TPRG1: variants seen among roughly 807,000 people sequenced by gnomAD.
TPRG1 encodes tumor protein p63 regulated 1.
A neutral mutation model predicts 29.3 loss-of-function variants in TPRG1; 29 were observed. The observed-to-expected ratio is 0.99, with a 90% CI of 0.74 to 1.35. TPRG1 has a LOEUF of 1.35. Ranked by LOEUF, TPRG1 falls within the 40% of genes most tolerant of loss-of-function variation. TPRG1 has a pLI of 0.00. For synonymous variants in TPRG1, 130 were observed against 116.8 expected, an observed-to-expected ratio of 1.11 and a Z score of -0.73; for missense variants, 327 against 335.0, an observed-to-expected ratio of 0.98 and a Z score of 0.19.
At chr3:189,259,389 C>T (rs1055205689) in intron 4 of TPRG1, among the ~76,000 whole-genome samples, 7 of 151,604 alleles carry the variant, frequency 4.6e-5, no homozygotes, top group South Asian at 4.2e-4. Flanking sequence ...GCAGAAATCA[C>T]CCCTTCTGTG....
At chr3:189,027,943 C>G (rs1025048243) in intron 4 of TPRG1, among the ~76,000 whole-genome samples, 3 of 151,812 alleles carry the variant, frequency 2.0e-5, no homozygotes, top group African/African-American at 7.3e-5. Context: ...TTTTTTCGTT[C>G]CCTCATTATT....
intron 4 of TPRG1, among the ~76,000 whole-genome samples, chr3:189,041,320 T>C (rs997710427): frequency 6.6e-6 from 1 of 152,216 alleles, no homozygotes; most frequent in Non-Finnish European, 1.5e-5. Context: ...TAAAAGCTGC[T>C]TGAGTTATTC....
intron 1 of TPRG1, among the ~76,000 whole-genome samples, chr3:189,180,831 G>GT (rs1390450900): frequency 6.6e-6 from 1 of 152,170 alleles, no homozygotes; most frequent in Admixed American, 6.5e-5. Flanking sequence ...TGGGGACTCT[G>GT]GCCCCACATT....
rs536573900 is a variant in TPRG1 at position 189,316,663 on chromosome 3, T to C, written c.634-3963T>C. ...CAAGAATAATACGATGTCCCCCCTGTCCCCACCACGCACACTGCTGCTATA... is the reference window on the plus strand; with the variant it reads ...CAAGAATAATACGATGTCCCCCCTGCCCCCACCACGCACACTGCTGCTATA... On this transcript the variant is annotated intron_variant, in intron 5 of 5. Coordinates refer to ENST00000345063, the MANE Select transcript of TPRG1 (RefSeq NM_198485.4). Among the ~76,000 whole-genome samples, 4 of 152,210 alleles carry C rather than the reference T, an allele frequency of 2.6e-5. No homozygotes were observed. In the East Asian group the frequency reaches 7.7e-4, roughly 29 times the overall value.
chr3:189,285,660 C>T (rs938781279), intron 4 of TPRG1, among the ~76,000 whole-genome samples: 4 of 152,150 alleles, frequency 2.6e-5, no homozygotes, highest in African/African-American at 7.2e-5. Context: ...AGACATTGTA[C>T]ATAATTTCTT....
chr3:189,243,081 T>C (rs1366710099), intron 4 of TPRG1, among the ~76,000 whole-genome samples: 1 of 152,172 alleles, frequency 6.6e-6, no homozygotes, highest in East Asian at 1.9e-4. Context: ...TAAGACCAGG[T>C]GATTTATAAA....
chr3:189,258,213 T>C (rs1301975292), intron 4 of TPRG1, among the ~76,000 whole-genome samples: 1 of 152,016 alleles, frequency 6.6e-6, no homozygotes, highest in African/African-American at 2.4e-5. Context: ...TTTTTTATAT[T>C]GATGTTACTC....
chr3:189,084,315 A>G (rs1235547674), intron 4 of TPRG1, among the ~76,000 whole-genome samples: 7 of 152,298 alleles, frequency 4.6e-5, no homozygotes, highest in Admixed American at 4.6e-4. Context: ...AGAAATACCA[A>G]TACGTATGAG....
chr3:189,262,592 T>C (rs561220579), intron 4 of TPRG1, among the ~76,000 whole-genome samples: 2 of 152,302 alleles, frequency 1.3e-5, no homozygotes, highest in South Asian at 2.1e-4. Context: ...GTCTGATAAG[T>C]GTAAAATTAC....
rs377477540 is a variant in TPRG1, at chr3:189,043,607, A to G, written c.-463+19661A>G. Among the ~76,000 whole-genome samples the G allele has an allele frequency of 2.0e-5, 3 of 152,296 alleles. No homozygotes were observed. In the East Asian group the frequency reaches 5.8e-4, roughly 29 times the overall value. The stretch of plus-strand genomic sequence containing the variant: ...AGCCAATCGTCTGCTTAACTCCATT[A>G]CAATTTTTTGGGCGACAACTCCCTT... On this transcript the variant is annotated intron_variant, in intron 4 of 10. Coordinates refer to the TPRG1 transcript ENST00000433971.
At chr3:189,008,498 T>C (rs1173036497) in intron 3 of TPRG1, among the ~76,000 whole-genome samples, 1 of 152,210 alleles carries the variant, frequency 6.6e-6, no homozygotes. Flanking sequence ...AACCTTGGCC[T>C]GGGTTTCTAA....
At chr3:189,057,779 T>C (rs900859359) in intron 4 of TPRG1, among the ~76,000 whole-genome samples, 4 of 146,554 alleles carry the variant, frequency 2.7e-5, no homozygotes, top group Non-Finnish European at 4.5e-5. Flanking sequence ...CACATATACA[T>C]ATATGTATAT....
chr3:189,287,633 G>A (rs1377882909), intron 4 of TPRG1, among the ~76,000 whole-genome samples: 1 of 152,070 alleles, frequency 6.6e-6, no homozygotes. Flanking sequence ...TCCTGACCTC[G>A]TGATCTGCCC....
At chr3:189,185,116 T>A (rs1344399201) in intron 1 of TPRG1, among the ~76,000 whole-genome samples, 1 of 152,234 alleles carries the variant, frequency 6.6e-6, no homozygotes, top group Non-Finnish European at 1.5e-5. Context: ...ATCTCTGACC[T>A]GGATGTAGTC....
intron 3 of TPRG1, among the ~76,000 whole-genome samples, chr3:189,216,683 T>C (rs1736119312): frequency 6.6e-6 from 1 of 152,214 alleles, no homozygotes; most frequent in African/African-American, 2.4e-5. Flanking sequence ...GGCTCTTTCT[T>C]TGTAGCATCT....
intron 4 of TPRG1, among the ~76,000 whole-genome samples, chr3:189,284,957 A>G (rs1311942637): frequency 6.6e-6 from 1 of 152,212 alleles, no homozygotes; most frequent in Non-Finnish European, 1.5e-5. Context: ...ATTAAACTAA[A>G]GAGCTTCTGC....
At chr3:189,157,855 C>A (rs150861120) in intron 5 of TPRG1, among the ~76,000 whole-genome samples, 2 of 152,280 alleles carry the variant, frequency 1.3e-5, no homozygotes, top group Non-Finnish European at 2.9e-5. Flanking sequence ...CTTCTCCTTC[C>A]GGCTGTAGCA....
chr3:189,300,340 G>T (rs909102556), intron 4 of TPRG1, among the ~76,000 whole-genome samples: 1 of 152,178 alleles, frequency 6.6e-6, no homozygotes, highest in Non-Finnish European at 1.5e-5. Context: ...ATGTCTTAGC[G>T]CATTGCCTGG....
At chr3:189,010,723 AG>A (rs1382393921) in intron 3 of TPRG1, among the ~76,000 whole-genome samples, 2 of 152,164 alleles carry the variant, frequency 1.3e-5, no homozygotes, top group African/African-American at 4.8e-5. Context: ...CCCATTCTGT[AG>A]GTTGTCTGTT....
Sources: gnomAD v4.1 joint callset for allele counts (sites outside exome capture counted in the v4.1 genomes callset) on GRCh38, gnomAD v4.1.1 for gene constraint, MANE v1.5 for transcripts, NCBI Gene and HGNC (gene_info 2026-07-23, HGNC 2026-07-21) for gene names.